Variants in GRM7 observed in about 807,000 individuals in gnomAD.
The protein encoded by GRM7 is glutamate metabotropic receptor 7.
Under a neutral mutation model 84.5 loss-of-function variants are expected in GRM7, and 35 were observed. That is an observed-to-expected ratio of 0.41 (90% CI 0.32 to 0.55). The LOEUF (loss-of-function observed/expected upper bound fraction) is 0.55, where lower values mean the gene tolerates loss of function less well. GRM7 is among the 20% of genes least tolerant of loss of function. GRM7 has a pLI of 0.19. For missense variants in GRM7, 1,003 were observed against 1,194.6 expected (o/e 0.84, Z 2.36); for synonymous variants, 487 against 455.1 (o/e 1.07, Z -0.89).
intron 4 of GRM7, among the ~76,000 whole-genome samples, chr3:7,320,298 T>G (rs9854204): frequency 0.049 from 7,402 of 151,992 alleles, 604 homozygotes; most frequent in African/African-American, 0.17. Flanking sequence ...AATAAAAGTT[T>G]TATGTGACAC....
In GRM7 at chr3:6,861,246, C is replaced by T. The variant is rs796758179; in HGVS notation, c.-143C>T. The T allele has an allele frequency of 1.8e-5, 12 of 657,788 alleles. No individual in the cohort carries two copies. Among genetic ancestry groups the T allele is most frequent in the African/African-American group, 1.3e-4 (7 of 52,204 alleles). The allele number at this position is 657,788 out of a possible 1,614,324, so 40.7% of individuals were successfully genotyped here. ...GGGACCCCTCACCCTCTCTGGTCGC[C>T]CCTCCCCGGATTCCCCCACCCTCCG... On this transcript the variant is annotated 5_prime_UTR_variant, in exon 1 of 10. Transcript: ENST00000357716. The surrounding 1 kb of genome is among the most constrained non-coding windows in gnomAD (Gnocchi z 6.4).
intron 4 of GRM7, among the ~76,000 whole-genome samples, chr3:7,390,149 A>T (rs1694934971): frequency 6.6e-6 from 1 of 151,980 alleles, no homozygotes; most frequent in Non-Finnish European, 1.5e-5. Flanking sequence ...CTCAGCTGGC[A>T]TTTTTTTCTT....
In GRM7 at chr3:7,597,609, G is replaced by A. The variant is rs570425770; in HGVS notation, c.2451+18252G>A. Reference sequence around the variant, plus strand: ...GGGTCATTGTGCACGTGAAGGGTATGAGGTTTCCATCTATTAGATAGTGCA... The same window carrying A: ...GGGTCATTGTGCACGTGAAGGGTATAAGGTTTCCATCTATTAGATAGTGCA... On this transcript the variant is annotated intron_variant, in intron 8 of 9. Coordinates refer to ENST00000357716, the MANE Select transcript of GRM7 (RefSeq NM_000844.4). 2.0e-5 allele frequency among the ~76,000 whole-genome samples: 3 copies of A among 152,208 alleles called. No individual in the cohort carries two copies. In the East Asian group the frequency reaches 5.8e-4, roughly 29 times the overall value.
chr3:7,470,627 A>C (rs1461326015), intron 7 of GRM7, among the ~76,000 whole-genome samples: 1 of 152,144 alleles, frequency 6.6e-6, no homozygotes, highest in Non-Finnish European at 1.5e-5. Flanking sequence ...CATTCAAGCA[A>C]ATCACTTCAT....
chr3:7,479,765 A>G (rs1415711734), intron 7 of GRM7, among the ~76,000 whole-genome samples: 1 of 152,214 alleles, frequency 6.6e-6, no homozygotes, highest in Non-Finnish European at 1.5e-5. Flanking sequence ...TTTATAGGCA[A>G]TAAATAAGTG....
intron 2 of GRM7, among the ~76,000 whole-genome samples, chr3:7,232,798 T>G (rs1311704252): frequency 1.3e-5 from 2 of 152,170 alleles, no homozygotes; most frequent in Non-Finnish European, 2.9e-5. Flanking sequence ...GAGCTAAGAT[T>G]CTAACTCAGA....
chr3:7,401,840 C>G (rs765673998), intron 4 of GRM7, among the ~76,000 whole-genome samples: 5 of 152,080 alleles, frequency 3.3e-5, no homozygotes, highest in Non-Finnish European at 5.9e-5. Flanking sequence ...CTTATCCCCA[C>G]GTCAATATTA....
chr3:7,295,613 AT>A, intron 2 of GRM7, among the ~76,000 whole-genome samples: 1 of 152,294 alleles, frequency 6.6e-6, no homozygotes, highest in African/African-American at 2.4e-5. Context: ...TTAAAAATGT[AT>A]TTTAGCCATG....
chr3:7,351,339 GAA>G (rs768248079), intron 4 of GRM7, among the ~76,000 whole-genome samples: 23 of 45,894 alleles, frequency 5.0e-4, no homozygotes, highest in South Asian at 1.5e-3. Context: ...TCCCACAGGC[GAA>G]AAAAAAAAAA....
intron 1 of GRM7, among the ~76,000 whole-genome samples, chr3:7,104,224 CT>C (rs147181632): frequency 2.5e-4 from 37 of 150,386 alleles, no homozygotes; most frequent in Middle Eastern, 3.4e-3. Context: ...CAAAAAGTGC[CT>C]TTTTTTTTCT....
chr3:7,155,078 A>C (rs1458921573), intron 2 of GRM7, among the ~76,000 whole-genome samples: 2 of 152,064 alleles, frequency 1.3e-5, no homozygotes, highest in African/African-American at 4.8e-5. Flanking sequence ...GAGTAGTAAA[A>C]CTTACTTAAA....
intron 2 of GRM7, among the ~76,000 whole-genome samples, chr3:7,271,312 C>A (rs559597910): frequency 1.3e-5 from 2 of 152,192 alleles, no homozygotes; most frequent in South Asian, 4.1e-4. Flanking sequence ...GTAATCCCAA[C>A]ACTTTGGGAG....
intron 2 of GRM7, among the ~76,000 whole-genome samples, chr3:7,288,656 A>T (rs1239339455): frequency 6.6e-6 from 1 of 152,182 alleles, no homozygotes; most frequent in Non-Finnish European, 1.5e-5. Flanking sequence ...AGCAGTTATT[A>T]TTGGGGAGAG....
intron 7 of GRM7, among the ~76,000 whole-genome samples, chr3:7,485,996 G>A (rs1699305622): frequency 6.6e-6 from 1 of 152,112 alleles, no homozygotes; most frequent in East Asian, 1.9e-4. Flanking sequence ...ATGTGTAAGG[G>A]CACATATATA....
chr3:7,570,794 C>T (rs945991575), intron 7 of GRM7, among the ~76,000 whole-genome samples: 4 of 152,234 alleles, frequency 2.6e-5, no homozygotes, highest in African/African-American at 9.6e-5. Context: ...TTCCCTTCCG[C>T]ACTGCTCTAG....
intron 8 of GRM7, among the ~76,000 whole-genome samples, chr3:7,613,712 G>A (rs1242061740): frequency 6.6e-6 from 1 of 152,108 alleles, no homozygotes; most frequent in Non-Finnish European, 1.5e-5. Context: ...CCTTCCAGAT[G>A]ATCATCTTAT....
At chr3:7,444,587 G>A (rs1697425996) in intron 5 of GRM7, among the ~76,000 whole-genome samples, 1 of 152,108 alleles carries the variant, frequency 6.6e-6, no homozygotes, top group Non-Finnish European at 1.5e-5. Context: ...AGTCCTTGGT[G>A]GAGTCTCTCA....
chr3:7,462,402 ATCCAGAAACC>A (rs1698285074), intron 7 of GRM7, among the ~76,000 whole-genome samples: 1 of 152,186 alleles, frequency 6.6e-6, no homozygotes, highest in Non-Finnish European at 1.5e-5. Context: ...TGTTCATCTA[ATCCAGAAACC>A]TCACAGACAC....
intron 5 of GRM7, among the ~76,000 whole-genome samples, chr3:7,425,365 A>T (rs1402193669): frequency 2.0e-5 from 3 of 152,218 alleles, no homozygotes; most frequent in Non-Finnish European, 4.4e-5. Context: ...ACAGAGCTCA[A>T]ACTCCTTGTT....
Sources: gnomAD v4.1 joint callset for allele counts (sites outside exome capture counted in the v4.1 genomes callset) on GRCh38, gnomAD v4.1.1 for gene constraint, Gnocchi (gnomAD v3.1) non-coding constraint, MANE v1.5 for transcripts, NCBI Gene and HGNC (gene_info 2026-07-23, HGNC 2026-07-21) for gene names.